CRB2: variants seen among roughly 807,000 people sequenced by gnomAD.
The protein encoded by CRB2 is crumbs cell polarity complex component 2.
CRB2 carries 85 observed loss-of-function variants against 110.9 expected under a neutral mutation model. That is an observed-to-expected ratio of 0.77 (90% confidence interval 0.64 to 0.92). CRB2 has a LOEUF of 0.92. Among genes scored for constraint, CRB2 ranks in the 40% least tolerant of loss-of-function variants. The pLI is 0.00. For synonymous variants in CRB2, 907 were observed against 831.0 expected (o/e 1.09, Z -1.57); for missense variants, 1,843 against 1,851.3 (o/e 1.00, Z 0.08).
In CRB2 at chr9:123,371,546, A is replaced by AC; in HGVS notation, c.2405dup (p.Ala803CysfsTer12). ...CGGCGGCAGGCAGTCCTGGAACCTC[A>AC]CTGCGGGCTGCGTCTCCGAGGACAT... On this transcript the variant is annotated frameshift_variant, in exon 8 of 13. Transcript: ENST00000373631. LOFTEE classifies it high-confidence loss of function. 1 of 1,613,044 alleles carries AC rather than the reference A, an allele frequency of 6.2e-7. No homozygotes were observed. Among genetic ancestry groups the AC allele is most frequent in the East Asian group, 2.2e-5 (1 of 44,884 alleles).
intron 5 of CRB2, 106 bp downstream of exon 5, chr9:123,367,463 C>T (rs1433804845): frequency 1.8e-5 from 18 of 1,007,786 alleles, no homozygotes; most frequent in Admixed American, 1.0e-4. Flanking sequence ...ACCCCACACC[C>T]GAGTCTGCCC....
intron 11 of CRB2, 136 bp from the exon 12 acceptor site, chr9:123,375,080 TG>T: frequency 7.6e-7 from 1 of 1,324,270 alleles, no homozygotes; most frequent in South Asian, 1.4e-5. Flanking sequence ...AGGGCCCAGC[TG>T]GGCAGGAGCA....
rs994084983 is a variant in CRB2 at position 123,373,821 on chromosome 9, C to T, written c.3290C>T (p.Pro1097Leu). 1 of 1,581,720 alleles carries T rather than the reference C, an allele frequency of 6.3e-7. No individual in the cohort carries two copies. The highest frequency in any genetic ancestry group is 8.5e-7 in the Non-Finnish European group (1 of 1,171,458). ...CCGCGCTGCGAAGCCCACGTCGACC[C>T]CTGTCACTCCGCCCCCTGCGCCCGT... Reference protein sequence around the residue: ...EGPRCEAHVDPCHSAPCARGR... With the variant: ...EGPRCEAHVDLCHSAPCARGR... Residue 1097 changes from proline (P) to leucine (L), a missense_variant, in exon 10 of 13, where the codon CCC becomes CTC. By Grantham distance (98) the Pro-to-Leu change is moderately conservative. Transcript: ENST00000373631.
At chr9:123,356,934 T>C (rs1441270992) in intron 1 of CRB2, among the ~76,000 whole-genome samples, 2 of 151,922 alleles carry the variant, frequency 1.3e-5, no homozygotes, top group Non-Finnish European at 2.9e-5. Flanking sequence ...AGGTCTTTGC[T>C]CTCAACATGA....
chr9:123,372,256 G>A lies in CRB2; in HGVS notation c.2516G>A (p.Gly839Glu). The A allele has an allele frequency of 1.2e-6, 2 of 1,614,036 alleles. No individual in the cohort carries two copies. Among genetic ancestry groups the A allele is most frequent in the Non-Finnish European group, 8.5e-7 (1 of 1,179,984 alleles). ...TGTACCTGCCCTGCCAATTTCACGGGGCCTACGTGTGCCCAGCAGCTGTGG... is the reference window on the plus strand; with the variant it reads ...TGTACCTGCCCTGCCAATTTCACGGAGCCTACGTGTGCCCAGCAGCTGTGG... Reference protein sequence around the residue: ...FHCTCPANFTGPTCAQQLWCP... With the variant: ...FHCTCPANFTEPTCAQQLWCP... The change falls in exon 9 of 13, where the codon GGG becomes GAG. Residue 839 changes from glycine to glutamate, a missense_variant. Physicochemically the swap from Gly to Glu is moderately conservative, Grantham distance 98. Transcript: ENST00000373631.
At chr9:123,379,407 C>A (rs2042169916), downstream of CRB2, among the ~76,000 whole-genome samples, 1 of 152,234 alleles carries the variant, frequency 6.6e-6, no homozygotes, top group African/African-American at 2.4e-5. Flanking sequence ...TGCAGTCTGC[C>A]CCATGGCCCC....
intron 6 of CRB2, among the ~76,000 whole-genome samples, chr9:123,367,981 G>GA (rs1172985565): frequency 1.3e-5 from 2 of 152,014 alleles, no homozygotes; most frequent in African/African-American, 2.4e-5. Context: ...GACAGAGAAG[G>GA]AAAGGGGGGC....
Position 123,372,277 on chromosome 9 carries a change from T to G in CRB2, c.2537T>G (p.Leu846Arg). 6.2e-7 allele frequency: 1 copy of G among 1,613,558 alleles called. No homozygotes were observed. The highest frequency in any genetic ancestry group is 8.5e-7 in the Non-Finnish European group (1 of 1,179,730). Residue 846 changes from leucine (L) to arginine (R), a missense_variant, in exon 9 of 13, where the codon CTG becomes CGG. Coordinates refer to ENST00000373631, the MANE Select transcript of CRB2 (RefSeq NM_173689.7). ...NFTGPTCAQQ[L>R]WCPGQPCLPP... ...ACGGGGCCTACGTGTGCCCAGCAGCTGTGGTGTCCCGGCCAGCCCTGTCTC... is the reference window on the plus strand; with the variant it reads ...ACGGGGCCTACGTGTGCCCAGCAGCGGTGGTGTCCCGGCCAGCCCTGTCTC...
chr9:123,355,446 A>T (rs1305263347), upstream of CRB2, among the ~76,000 whole-genome samples: 1 of 151,636 alleles, frequency 6.6e-6, no homozygotes, highest in African/African-American at 2.4e-5. Flanking sequence ...AAGCTGGGAA[A>T]GGTTCAGTTT....
At position 123,373,228 on chromosome 9, in the gene CRB2, C is replaced by T; in HGVS notation, c.2697C>T (p.Ala899=). The part of the protein sequence containing the change: ...SGRLLGGLSL[A]FRTRDSEAWL... The stretch of plus-strand genomic sequence containing the variant: ...GCTTGCTCGGCGGCCTGTCGCTGGC[C>T]TTTCGCACGCGCGACTCCGAGGCCT... The change falls in exon 10 of 13, where the codon GCC becomes GCT. Residue 899 remains alanine (A), a synonymous_variant. Transcript: ENST00000373631. 1.3e-6 allele frequency: 2 copies of T among 1,507,366 alleles called. No homozygotes were observed. Among genetic ancestry groups the T allele is most frequent in the South Asian group, 1.2e-5 (1 of 81,610 alleles). The allele number at this position is 1,507,366 out of a possible 1,614,324, so 93.4% of individuals were successfully genotyped here.
chr9:123,357,696 C>T (rs963181969), intron 1 of CRB2, among the ~76,000 whole-genome samples: 12 of 152,112 alleles, frequency 7.9e-5, no homozygotes, highest in Admixed American at 1.3e-4. Context: ...GTCTGTGGAT[C>T]GGTGCTCTGT....
rs537988083 is a variant in CRB2, at chr9:123,362,869, G to A, written c.99G>A (p.Thr33=). 22 of 1,577,240 alleles carry A rather than the reference G, an allele frequency of 1.4e-5. No homozygotes were observed. The highest frequency in any genetic ancestry group is 9.1e-5 in the East Asian group (4 of 44,000). Residue 33 remains threonine (T), a synonymous_variant, in exon 2 of 13, where the codon ACG becomes ACA. Transcript: ENST00000373631. The stretch of plus-strand genomic sequence containing the variant: ...GCCAGTTTCTTCTTTCTACAGGGAC[G>A]GTGCCTTCAGAGCCCCCCAGTGCCT... ...WAPALSLLAG[T]VPSEPPSACA... is the part of the protein sequence containing the mutation.
chr9:123,369,843 G>A (rs933179318), intron 6 of CRB2, among the ~76,000 whole-genome samples: 1 of 152,084 alleles, frequency 6.6e-6, no homozygotes, highest in Non-Finnish European at 1.5e-5. Context: ...GGTAAGGCAG[G>A]AGATGGGGGG....
In CRB2 at chr9:123,378,455, G is replaced by C. The variant is rs1400860246; in HGVS notation, c.*1393G>C. The C allele has an allele frequency of 1.3e-5, 2 of 152,292 alleles. No individual in the cohort carries two copies. Among genetic ancestry groups the C allele is most frequent in the Non-Finnish European group, 2.9e-5 (2 of 68,082 alleles). 9.4% of individuals were successfully genotyped at this position (152,292 alleles called of 1,614,324 possible). A position where few individuals can be genotyped will look rare whatever the true frequency, so the allele number is the denominator to read the frequency against. ...TGGTTTTGGCGGGTCCCAGAGGCAT[G>C]GGTGTCCAGTCCAATGTGGGGAGCC... On this transcript the variant is annotated 3_prime_UTR_variant, in exon 13 of 13. Coordinates refer to ENST00000373631, the MANE Select transcript of CRB2 (RefSeq NM_173689.7).
chr9:123,356,077 G>A (rs540168377), upstream of CRB2: 7 of 446,278 alleles, frequency 1.6e-5, no homozygotes, highest in African/African-American at 4.1e-5. Flanking sequence ...GTCTAGGGAC[G>A]TCCACGAGGT....
At chr9:123,371,645 A>T in intron 8 of CRB2, 67 bp downstream of exon 8, 2 of 1,595,050 alleles carry the variant, frequency 1.3e-6, no homozygotes. Context: ...GTCCTGTGTC[A>T]CCGGGGCTTA....
downstream of CRB2, among the ~76,000 whole-genome samples, chr9:123,379,331 C>A (rs775170007): frequency 6.6e-6 from 1 of 152,146 alleles, no homozygotes; most frequent in African/African-American, 2.4e-5. Flanking sequence ...CCTGTGGGGG[C>A]GACTTGCCAG....
chr9:123,354,508 G>T (rs140450598), upstream of CRB2, among the ~76,000 whole-genome samples: 1 of 152,372 alleles, frequency 6.6e-6, no homozygotes, highest in African/African-American at 2.4e-5. Flanking sequence ...TGAGGAGACT[G>T]AGGCCCAGAG....
intron 7 of CRB2, 37 bp downstream of exon 7, chr9:123,371,017 A>T: frequency 6.3e-7 from 1 of 1,595,482 alleles, no homozygotes; most frequent in Non-Finnish European, 8.6e-7. Context: ...AGCACCTGAG[A>T]TCTGCCTCCC....
Sources: gnomAD v4.1 joint callset for allele counts (sites outside exome capture counted in the v4.1 genomes callset) on GRCh38, gnomAD v4.1.1 for gene constraint, MANE v1.5 for transcripts, NCBI Gene and HGNC (gene_info 2026-07-23, HGNC 2026-07-21) for gene names.